ZFR2: variants seen among roughly 807,000 people sequenced by gnomAD.
The protein encoded by ZFR2 is zinc finger RNA binding protein 2.
ZFR2 carries 104 observed loss-of-function variants against 105.7 expected under a neutral mutation model. That is an observed-to-expected ratio of 0.98 (90% CI 0.84 to 1.16). The LOEUF (loss-of-function observed/expected upper bound fraction) is 1.16, where lower values mean the gene tolerates loss of function less well. ZFR2 is among the 50% of genes most tolerant of loss of function. ZFR2 has a pLI of 0.00. For missense variants in ZFR2, 1,425 were observed against 1,355.5 expected, an observed-to-expected ratio of 1.05 and a Z score of -0.80; for synonymous variants, 634 against 597.7, an observed-to-expected ratio of 1.06 and a Z score of -0.89.
intron 5 of ZFR2, 34 bp from the exon 6 acceptor site, chr19:3,827,687 G>A (rs2037967222): frequency 2.6e-6 from 4 of 1,558,440 alleles, no homozygotes; most frequent in Non-Finnish European, 3.5e-6. Flanking sequence ...CCTGGGCGGG[G>A]GTTTGCACAC....
chr19:3,813,837 T>C lies in ZFR2; in HGVS notation c.2225A>G (p.Asp742Gly). The C allele has an allele frequency of 6.2e-7, 1 of 1,613,446 alleles. No homozygotes were observed. The highest frequency in any genetic ancestry group is 1.1e-5 in the South Asian group (1 of 91,050). Residue 742 changes from aspartate to glycine, a missense_variant, in exon 14 of 19, where the codon GAC (aspartate) becomes GGC (glycine). By Grantham distance (94) the Asp-to-Gly change is moderately conservative (BLOSUM62 -1). Transcript: ENST00000262961. This position sits in a 1 kb window ranked among gnomAD's most constrained non-coding sequence, Gnocchi z 4.4. Reference sequence around the variant, plus strand: ...GGCCGCACCTGGGTCTGTGGAGGGGTCCTCCCGCATCAGAGGTGAGGTGAC... The same window carrying C: ...GGCCGCACCTGGGTCTGTGGAGGGGCCCTCCCGCATCAGAGGTGAGGTGAC... ...ISVTSPLMRE[D>G]PSTDPGVEEP... is the part of the protein sequence containing the mutation.
intron 6 of ZFR2, among the ~76,000 whole-genome samples, chr19:3,826,977 C>G (rs1289958584): frequency 6.6e-6 from 1 of 152,108 alleles, no homozygotes; most frequent in South Asian, 2.1e-4. Context: ...CACGGTGGCT[C>G]ACGCCTGTAA....
At chr19:3,835,810 G>A (rs1031781740) in intron 1 of ZFR2, among the ~76,000 whole-genome samples, 10 of 151,844 alleles carry the variant, frequency 6.6e-5, no homozygotes, top group African/African-American at 2.2e-4. Flanking sequence ...AACAATTAGC[G>A]AGTGTGATAG....
At chr19:3,859,376 G>A (rs997330304) in intron 1 of ZFR2, among the ~76,000 whole-genome samples, 2 of 152,214 alleles carry the variant, frequency 1.3e-5, no homozygotes, top group African/African-American at 4.8e-5. Flanking sequence ...TCCACCCCTG[G>A]CTTCCTTGTG....
chr19:3,827,357 G>T (rs952344586), intron 6 of ZFR2, 114 bp downstream of exon 6: 130 of 1,301,746 alleles, frequency 1.0e-4, no homozygotes, highest in Non-Finnish European at 1.2e-4. Context: ...CGCTCCACTT[G>T]GGGAGGCTTC....
chr19:3,864,837 TC>T (rs1050290144), intron 1 of ZFR2, among the ~76,000 whole-genome samples: 1 of 152,060 alleles, frequency 6.6e-6, no homozygotes, highest in African/African-American at 2.4e-5. Flanking sequence ...GACCTCCACC[TC>T]CCGGGTTCAA....
At chr19:3,819,465 A>T (rs1460812831) in intron 11 of ZFR2, among the ~76,000 whole-genome samples, 1 of 152,098 alleles carries the variant, frequency 6.6e-6, no homozygotes, top group Non-Finnish European at 1.5e-5. Flanking sequence ...GAATGGGGGG[A>T]AACTCCGCCA....
chr19:3,813,699 C>T lies in ZFR2; in HGVS notation c.2242+121G>A, dbSNP rs960979363. On this transcript the variant is annotated intron_variant, in intron 14 of 18. Transcript: ENST00000262961. This position sits in a 1 kb window ranked among gnomAD's most constrained non-coding sequence, Gnocchi z 4.4. ...CCTCAGGGGGACAGCAGTGCTGGAG[C>T]GTGGCTGCTGTGGCATTTCCTGCTC... The T allele has an allele frequency of 8.0e-5, 111 of 1,385,536 alleles. No homozygotes were observed. The highest frequency in any genetic ancestry group is 8.4e-5 in the Non-Finnish European group (85 of 1,015,396). 85.8% of individuals were successfully genotyped at this position (1,385,536 alleles called of 1,614,324 possible). A position where few individuals can be genotyped will look rare whatever the true frequency, so the allele number is the denominator to read the frequency against.
chr19:3,824,893 C>T (rs554844171), intron 7 of ZFR2, among the ~76,000 whole-genome samples: 1 of 152,284 alleles, frequency 6.6e-6, no homozygotes, highest in South Asian at 2.1e-4. Context: ...GCTGAGATCG[C>T]ACCACTGCAC....
chr19:3,807,226 A>G lies in ZFR2; in HGVS notation c.2589T>C (p.Asp863=). The G allele has an allele frequency of 6.4e-7, 1 of 1,561,838 alleles. No homozygotes were observed. The highest frequency in any genetic ancestry group is 1.4e-5 in the African/African-American group (1 of 73,696). The part of the protein sequence containing the change: ...LQDPCERDQT[D]ALEPMTLQER... Reference sequence around the variant, plus strand: ...CTTGGAGGGTCATGGGCTCGAGGGCATCTGTCTGGTCTCTCTCGCAGGGAT... The same window carrying G: ...CTTGGAGGGTCATGGGCTCGAGGGCGTCTGTCTGGTCTCTCTCGCAGGGAT... The change falls in exon 18 of 19, where the codon GAT becomes GAC. Residue 863 remains aspartate, a synonymous_variant. Coordinates refer to ENST00000262961, the MANE Select transcript of ZFR2 (RefSeq NM_015174.2).
At chr19:3,828,614 G>A (rs766347658) in intron 5 of ZFR2, among the ~76,000 whole-genome samples, 11 of 152,182 alleles carry the variant, frequency 7.2e-5, no homozygotes, top group Non-Finnish European at 1.3e-4. Context: ...CTACGCATCC[G>A]GTACTACTGG....
rs528900944 is a variant in ZFR2, at chr19:3,818,785, G to C, written c.1931+260C>G. Among the ~76,000 whole-genome samples, 3 of 152,364 alleles carry C rather than the reference G, an allele frequency of 2.0e-5. No homozygotes were observed. The East Asian group carries it at 5.8e-4, about 29-fold the overall frequency. ...GTCAGTCCCTTGTGAACTATTTTTA[G>C]ATGCGCCTTCAATAGCAAAAGGGAA... On this transcript the variant is annotated intron_variant, in intron 12 of 18. Transcript: ENST00000262961.
chr19:3,837,020 C>T (rs969409594), intron 1 of ZFR2, among the ~76,000 whole-genome samples: 2 of 152,252 alleles, frequency 1.3e-5, no homozygotes, highest in African/African-American at 4.8e-5. Context: ...CTCTACACCA[C>T]CTGGCCCCCA....
At chr19:3,842,428 G>C (rs541546181) in intron 1 of ZFR2, among the ~76,000 whole-genome samples, 1 of 152,196 alleles carries the variant, frequency 6.6e-6, no homozygotes, top group East Asian at 1.9e-4. Context: ...CCCTGTAGCT[G>C]TATATAATTT....
At chr19:3,811,734 C>T (rs1238852166) in intron 14 of ZFR2, among the ~76,000 whole-genome samples, 3 of 151,616 alleles carry the variant, frequency 2.0e-5, no homozygotes, top group Admixed American at 6.6e-5. Flanking sequence ...GGATTACAGG[C>T]GTGAGCCACC....
rs565330597 is a variant in ZFR2 at position 3,810,763 on chromosome 19, GC to G, written c.2419del (p.Ala807ProfsTer15). 16 of 1,549,360 alleles carry G rather than the reference GC, an allele frequency of 1.0e-5. No individual in the cohort carries two copies. The East Asian group carries it at 3.7e-4, about 36-fold the overall frequency. ...GCACTGCCTTACCCAGGCTGGCAGGGCCCCCCAGGTGGGCACACGCCGGCAG... is the reference window on the plus strand; with the variant it reads ...GCACTGCCTTACCCAGGCTGGCAGGGCCCCCAGGTGGGCACACGCCGGCAG... ...DLCRRVPTWG[A>X]LPAWAMELLV... On this transcript the variant is annotated frameshift_variant, in exon 16 of 19. Coordinates refer to ENST00000262961, the MANE Select transcript of ZFR2 (RefSeq NM_015174.2). LOFTEE classifies it high-confidence loss of function.
intron 18 of ZFR2, 85 bp downstream of exon 18, chr19:3,807,087 C>T: frequency 1.9e-6 from 2 of 1,067,924 alleles, no homozygotes; most frequent in South Asian, 1.5e-5. Context: ...GAAGGGGAAA[C>T]CCAGGCCATT....
At position 3,845,090 on chromosome 19, in the gene ZFR2, G is replaced by A. The variant is rs542966184; in HGVS notation, c.54-10107C>T. Among the ~76,000 whole-genome samples, 22 of 152,308 alleles carry A rather than the reference G, an allele frequency of 1.4e-4. 1 individual carries two copies. The highest frequency in any genetic ancestry group is 3.6e-4 in the African/African-American group (15 of 41,576). Reference sequence around the variant, plus strand: ...GCCGGTCCCTCTGTGGCTTGCAGACGGCAGTCTTTGCCCTGTGTCCTCACG... The same window carrying A: ...GCCGGTCCCTCTGTGGCTTGCAGACAGCAGTCTTTGCCCTGTGTCCTCACG... On this transcript the variant is annotated intron_variant, in intron 1 of 18. Coordinates refer to ENST00000262961, the MANE Select transcript of ZFR2 (RefSeq NM_015174.2).
At chr19:3,814,656 C>T (rs182841872) in intron 13 of ZFR2, among the ~76,000 whole-genome samples, 3 of 152,350 alleles carry the variant, frequency 2.0e-5, no homozygotes, top group East Asian at 1.9e-4. Flanking sequence ...TCTTTGCCAC[C>T]AGGCTGCAAG....
Sources: allele counts gnomAD v4.1 joint callset (sites outside exome capture counted in the v4.1 genomes callset), GRCh38; gene constraint gnomAD v4.1.1; non-coding constraint Gnocchi (gnomAD v3.1); transcripts MANE v1.5; gene names NCBI Gene and HGNC (gene_info 2026-07-23, HGNC 2026-07-21).